Variants in RET observed in about 807,000 individuals in gnomAD.
The protein encoded by RET is ret proto-oncogene, also known as proto-oncogene tyrosine-protein kinase receptor Ret.
RET carries 19 observed loss-of-function variants against 118.3 expected under a neutral mutation model. The ratio of observed to expected loss-of-function variants is 0.16; its 90% CI spans 0.11 to 0.24. The LOEUF is 0.24. Among genes scored for constraint, RET ranks in the 10% least tolerant of loss-of-function variants. The probability of loss-of-function intolerance (pLI) is 1.00; values close to 1 mark genes in which losing one functional copy is unlikely to be tolerated. For synonymous variants in RET, 597 were observed against 644.1 expected (o/e 0.93, Z 1.11); for missense variants, 1,219 against 1,502.1 (o/e 0.81, Z 3.12).
At position 43,119,018 on chromosome 10, in the gene RET, G is replaced by A. The variant is rs183385671; in HGVS notation, c.2393-513G>A. Among the ~76,000 whole-genome samples the A allele has an allele frequency of 5.9e-5, 9 of 152,354 alleles. No individual in the cohort carries two copies. In the East Asian group the frequency reaches 1.7e-3, roughly 29 times the overall value. ...TGCGTGTGTGGGTGTGTGCGAGAGGGATAGGGAACCCAAACACCGGGAGTG... is the reference window on the plus strand; with the variant it reads ...TGCGTGTGTGGGTGTGTGCGAGAGGAATAGGGAACCCAAACACCGGGAGTG... On this transcript the variant is annotated intron_variant, in intron 13 of 19. Coordinates refer to ENST00000355710, the MANE Select transcript of RET (RefSeq NM_020975.6).
chr10:43,114,389 C>T lies in RET; in HGVS notation c.1880-91C>T. ...TCCCAGCTGGCGCGGACACGGCAGG[C>T]TGGAGAGCCATGAGGCAGAGCATAC... On this transcript the variant is annotated intron_variant, in intron 10 of 19. Transcript: ENST00000355710. This position sits in a 1 kb window ranked among gnomAD's most constrained non-coding sequence, Gnocchi z 4.6. The T allele has an allele frequency of 6.4e-7, 1 of 1,559,842 alleles. No homozygotes were observed. Among genetic ancestry groups the T allele is most frequent in the Non-Finnish European group, 8.7e-7 (1 of 1,151,590 alleles).
At chr10:43,127,472 CT>C in intron 19 of RET, 1 of 1,042,154 alleles carries the variant, frequency 9.6e-7, no homozygotes, top group South Asian at 4.5e-5. Context: ...GCCAAAACTC[CT>C]TCTTTTGTCT....
chr10:43,105,070 C>T lies in RET; in HGVS notation c.744C>T (p.Gly248=), dbSNP rs1554817806. ...ELVAVCTVHA[G]AREEVVMVPF... ...TGGCCGTGTGCACCGTGCACGCCGGCGCGCGCGAGGAGGTGGTGATGGTGC... is the reference window on the plus strand; with the variant it reads ...TGGCCGTGTGCACCGTGCACGCCGGTGCGCGCGAGGAGGTGGTGATGGTGC... The change falls in exon 4 of 20, where the codon GGC becomes GGT. Residue 248 remains glycine, a synonymous_variant. Transcript: ENST00000355710. The T allele has an allele frequency of 1.9e-6, 3 of 1,610,340 alleles. No homozygotes were observed. Among genetic ancestry groups the T allele is most frequent in the Non-Finnish European group, 2.5e-6 (3 of 1,179,670 alleles).
At position 43,130,156 on chromosome 10, in the gene RET, C is replaced by A; in HGVS notation, c.*1887C>A. 2.5e-6 allele frequency: 1 copy of A among 397,186 alleles called. No homozygotes were observed. Among genetic ancestry groups the A allele is most frequent in the South Asian group, 1.4e-4 (1 of 7,214 alleles). 24.6% of individuals were successfully genotyped at this position (397,186 alleles called of 1,614,324 possible). A position where few individuals can be genotyped will look rare whatever the true frequency, so the allele number is the denominator to read the frequency against. On this transcript the variant is annotated 3_prime_UTR_variant, in exon 20 of 20. Coordinates refer to ENST00000355710, the MANE Select transcript of RET (RefSeq NM_020975.6). ...ATAAAAGTCCCCATCCTTATTAGCTCTACTGGAATTTTCATACACGTAAAT... is the reference window on the plus strand; with the variant it reads ...ATAAAAGTCCCCATCCTTATTAGCTATACTGGAATTTTCATACACGTAAAT...
At chr10:43,117,467 G>T (rs1408664268) in intron 12 of RET, among the ~76,000 whole-genome samples, 1 of 152,232 alleles carries the variant, frequency 6.6e-6, no homozygotes, top group East Asian at 1.9e-4. Flanking sequence ...CTGGTCCAAG[G>T]GGTCCTGGGG....
In RET at chr10:43,109,502, A is replaced by G. The variant is rs1864403; in HGVS notation, c.1263+272A>G. On this transcript the variant is annotated intron_variant, in intron 6 of 19. Transcript: ENST00000355710. ...GTATTTTCAAAAATGCAAGAGCAATACTGGGTAAATCTGCATATGGTGACT... is the reference window on the plus strand; with the variant it reads ...GTATTTTCAAAAATGCAAGAGCAATGCTGGGTAAATCTGCATATGGTGACT... Among the ~76,000 whole-genome samples, 119,615 of 152,188 alleles carry G rather than the reference A, an allele frequency of 0.79. 48,023 individuals carry two copies. Among genetic ancestry groups the G allele is most frequent in the African/African-American group, 0.95 (39,385 of 41,540 alleles).
intron 3 of RET, among the ~76,000 whole-genome samples, chr10:43,104,076 T>C (rs1429012699): frequency 6.6e-6 from 1 of 152,206 alleles, no homozygotes; most frequent in Non-Finnish European, 1.5e-5. Context: ...GCATTCGCTT[T>C]TGTCTCGACA....
Position 43,108,472 on chromosome 10 carries a change from G to A in RET, c.1064-559G>A, listed in dbSNP as rs553850509. Among the ~76,000 whole-genome samples the A allele has an allele frequency of 1.7e-4, 26 of 152,296 alleles. No individual in the cohort carries two copies. The South Asian group carries it at 5.4e-3, about 32-fold the overall frequency. On this transcript the variant is annotated intron_variant, in intron 5 of 19. Coordinates refer to ENST00000355710, the MANE Select transcript of RET (RefSeq NM_020975.6). ...GATCTCTGTTTTAATGTTAATGCCG[G>A]TCAGTTGTGTCCAAACTCCAGCAGG...
chr10:43,094,830 T>C (rs1837488139), intron 1 of RET, among the ~76,000 whole-genome samples: 1 of 152,222 alleles, frequency 6.6e-6, no homozygotes, highest in Admixed American at 6.5e-5. Flanking sequence ...TGTGAGCATA[T>C]GGGAGAACAA....
rs536675832 is a variant in RET, at chr10:43,115,416, G to A, written c.2136+680G>A. 5.5e-4 allele frequency among the ~76,000 whole-genome samples: 84 copies of A among 152,222 alleles called. 1 individual carries two copies. The highest frequency in any genetic ancestry group is 2.7e-3 in the Admixed American group (41 of 15,296). ...ACAGTGCAGCTCAGCCTGAGGCCTC[G>A]GCCCTGGAGCCTCCGTTCAGGCAAC... is the stretch of plus-strand genomic sequence containing the variant. On this transcript the variant is annotated intron_variant, in intron 11 of 19. Coordinates refer to ENST00000355710, the MANE Select transcript of RET (RefSeq NM_020975.6).
intron 1 of RET, among the ~76,000 whole-genome samples, chr10:43,079,700 C>T (rs1456081406): frequency 6.6e-6 from 1 of 152,106 alleles, no homozygotes; most frequent in African/African-American, 2.4e-5. Flanking sequence ...GCCCCGGGGC[C>T]TTCTGTTCCC....
At position 43,112,210 on chromosome 10, in the gene RET, A is replaced by G. The variant is rs1170379354; in HGVS notation, c.1634A>G (p.Gln545Arg). 1 of 1,555,910 alleles carries G rather than the reference A, an allele frequency of 6.4e-7. No individual in the cohort carries two copies. Among genetic ancestry groups the G allele is most frequent in the Non-Finnish European group, 8.7e-7 (1 of 1,149,178 alleles). Residue 545 changes from glutamine to arginine, a missense_variant, in exon 8 of 20, where the codon CAA (glutamine) becomes CGA (arginine). Gln to Arg is a conservative substitution (Grantham distance 43). Coordinates refer to ENST00000355710, the MANE Select transcript of RET (RefSeq NM_020975.6). ...GSPTGRCEWR[Q>R]GDGKGITRNF... Reference sequence around the variant, plus strand: ...CCAACAGGCAGGTGTGAGTGGAGGCAAGGAGATGGCAAAGGTAAGCCCTGG... The same window carrying G: ...CCAACAGGCAGGTGTGAGTGGAGGCGAGGAGATGGCAAAGGTAAGCCCTGG...
chr10:43,127,267 CA>C (rs1838356301), intron 19 of RET: 2 of 1,071,384 alleles, frequency 1.9e-6, no homozygotes, highest in Non-Finnish European at 1.1e-6. Context: ...TGTCCTCCAT[CA>C]GGGGTAGCGA....
At chr10:43,108,921 G>T in intron 5 of RET, 110 bp from the exon 6 acceptor site, 1 of 1,053,514 alleles carries the variant, frequency 9.5e-7, no homozygotes, top group South Asian at 1.3e-5. Context: ...ATGTGTGAAA[G>T]TGCGTGTTTG....
intron 1 of RET, among the ~76,000 whole-genome samples, chr10:43,094,670 G>A (rs1388074583): frequency 6.6e-6 from 1 of 152,216 alleles, no homozygotes; most frequent in African/African-American, 2.4e-5. Context: ...GAGCTGGTGA[G>A]CCCCTGCCTC....
rs562484856 is a variant in RET, at chr10:43,122,258, C to T, written c.2801+242C>T. 2.6e-5 allele frequency among the ~76,000 whole-genome samples: 4 copies of T among 152,272 alleles called. 1 individual carries two copies. The highest frequency in any genetic ancestry group is 2.6e-4 in the Admixed American group (4 of 15,300). On this transcript the variant is annotated intron_variant, in intron 16 of 19. Transcript: ENST00000355710. ...GAAAGCTCCGGTAGAGCATGAGAGC[C>T]GAGCAGGTGGCCAGTAACCCAGCCT... is the stretch of plus-strand genomic sequence containing the variant.
At chr10:43,082,525 A>G (rs1837207176) in intron 1 of RET, among the ~76,000 whole-genome samples, 1 of 152,048 alleles carries the variant, frequency 6.6e-6, no homozygotes, top group African/African-American at 2.4e-5. Flanking sequence ...TCAGGGGAGA[A>G]CCTGTGGCCC....
chr10:43,108,265 G>C (rs1348454778), intron 5 of RET, among the ~76,000 whole-genome samples: 1 of 152,090 alleles, frequency 6.6e-6, no homozygotes, highest in African/African-American at 2.4e-5. Flanking sequence ...GAGGTGGGAG[G>C]ATGGCTGGAG....
intron 6 of RET, among the ~76,000 whole-genome samples, chr10:43,110,075 A>G (rs1341148982): frequency 6.6e-6 from 1 of 152,082 alleles, no homozygotes; most frequent in Non-Finnish European, 1.5e-5. Context: ...CCACCCTTGG[A>G]CATATCTAAG....
Sources: allele counts gnomAD v4.1 joint callset (sites outside exome capture counted in the v4.1 genomes callset), GRCh38; gene constraint gnomAD v4.1.1; non-coding constraint Gnocchi (gnomAD v3.1); transcripts MANE v1.5; gene names NCBI Gene and HGNC (gene_info 2026-07-23, HGNC 2026-07-21).